TAFA2: variants seen among roughly 807,000 people sequenced by gnomAD.
The protein encoded by TAFA2 is TAFA chemokine like family member 2, also known as chemokine-like protein TAFA-2.
Under a neutral mutation model 18.8 loss-of-function variants are expected in TAFA2, and 7 were observed. The ratio of observed to expected loss-of-function variants is 0.37; its 90% CI spans 0.21 to 0.70. The LOEUF (loss-of-function observed/expected upper bound fraction) is 0.70. TAFA2 is among the 30% of genes least tolerant of loss of function. TAFA2 has a pLI of 0.53. For synonymous variants in TAFA2, 60 were observed against 54.2 expected, an observed-to-expected ratio of 1.11 and a Z score of -0.47; for missense variants, 122 against 158.1, an observed-to-expected ratio of 0.77 and a Z score of 1.23.
At chr12:61,852,395 G>C (rs1227547055) in intron 2 of TAFA2, among the ~76,000 whole-genome samples, 1 of 152,144 alleles carries the variant, frequency 6.6e-6, no homozygotes, top group Non-Finnish European at 1.5e-5. Context: ...GAGCGAGTGA[G>C]CTGTGGATAG....
intron 1 of TAFA2, among the ~76,000 whole-genome samples, chr12:61,898,720 G>T (rs1020404082): frequency 6.6e-6 from 1 of 152,198 alleles, no homozygotes; most frequent in African/African-American, 2.4e-5. Context: ...GGGAGGGCCT[G>T]CAGGGAAGGT....
chr12:62,225,826 T>C (rs2062783709), intron 1 of TAFA2, among the ~76,000 whole-genome samples: 1 of 152,210 alleles, frequency 6.6e-6, no homozygotes, highest in African/African-American at 2.4e-5. Flanking sequence ...TAACACATTC[T>C]TGGCAAAAGC....
chr12:62,022,167 T>C (rs1367396664), intron 1 of TAFA2: 1 of 406,364 alleles, frequency 2.5e-6, no homozygotes, highest in Non-Finnish European at 5.0e-6. Flanking sequence ...TCTGTCCTGG[T>C]TGGTGTAAAG....
chr12:62,115,253 T>C (rs1393635872), intron 1 of TAFA2, among the ~76,000 whole-genome samples: 3 of 152,152 alleles, frequency 2.0e-5, no homozygotes, highest in Middle Eastern at 3.2e-3. Flanking sequence ...ACCAAAATTG[T>C]GTATGTCTCC....
At chr12:61,871,284 A>G (rs1874591521) in intron 1 of TAFA2, among the ~76,000 whole-genome samples, 1 of 152,334 alleles carries the variant, frequency 6.6e-6, no homozygotes, top group South Asian at 2.1e-4. Context: ...AAAAACACCT[A>G]AAGGAAAAAA....
intron 1 of TAFA2, among the ~76,000 whole-genome samples, chr12:61,903,528 C>G (rs943605483): frequency 2.0e-5 from 3 of 152,120 alleles, no homozygotes; most frequent in African/African-American, 7.2e-5. Context: ...GTCGTCTTCA[C>G]CACTGTGTTC....
chr12:61,984,140 G>A (rs1232086736), intron 1 of TAFA2, among the ~76,000 whole-genome samples: 2 of 152,186 alleles, frequency 1.3e-5, no homozygotes, highest in Non-Finnish European at 2.9e-5. Context: ...CTAAAGTGTA[G>A]ACACACTAAA....
intron 2 of TAFA2, among the ~76,000 whole-genome samples, chr12:61,787,289 G>C (rs1870779773): frequency 6.6e-6 from 1 of 151,534 alleles, no homozygotes; most frequent in African/African-American, 2.4e-5. Flanking sequence ...CCACCAGACT[G>C]ATCTTACAAG....
At position 61,856,828 on chromosome 12, in the gene TAFA2, T is replaced by A. The variant is rs552309402; in HGVS notation, c.106+10492A>T. Among the ~76,000 whole-genome samples the A allele has an allele frequency of 1.6e-3, 239 of 151,910 alleles. 1 individual carries two copies. Among genetic ancestry groups the A allele is most frequent in the African/African-American group, 4.9e-3 (204 of 41,566 alleles). ...AAAAACAGTTATATATGTGAATGTT[T>A]ATTACAGCATTATTTTTACTAAAAA... On this transcript the variant is annotated intron_variant, in intron 2 of 4. Coordinates refer to ENST00000416284, the MANE Select transcript of TAFA2 (RefSeq NM_178539.5).
At chr12:61,968,603 T>C (rs146020022) in intron 1 of TAFA2, among the ~76,000 whole-genome samples, 231 of 151,916 alleles carry the variant, frequency 1.5e-3, no homozygotes, top group Non-Finnish European at 2.7e-3. Context: ...AGGGGTATTA[T>C]GATTAAGTAA....
intron 1 of TAFA2, among the ~76,000 whole-genome samples, chr12:61,993,212 T>C (rs191613880): frequency 5.9e-5 from 9 of 152,334 alleles, no homozygotes; most frequent in African/African-American, 1.9e-4. Context: ...AAATCTCAGA[T>C]GTCAACTACA....
intron 1 of TAFA2, among the ~76,000 whole-genome samples, chr12:62,010,337 TG>T (rs1166007138): frequency 6.6e-6 from 1 of 152,122 alleles, no homozygotes; most frequent in Non-Finnish European, 1.5e-5. Flanking sequence ...TTTGTATTTT[TG>T]GAGGAGACAG....
chr12:62,217,601 A>G (rs2062740857), intron 1 of TAFA2, among the ~76,000 whole-genome samples: 1 of 152,244 alleles, frequency 6.6e-6, no homozygotes, highest in Non-Finnish European at 1.5e-5. Flanking sequence ...TGACTGATCC[A>G]GATGTAAAGT....
At chr12:62,088,020 T>A (rs866818461) in intron 1 of TAFA2, among the ~76,000 whole-genome samples, 13 of 152,184 alleles carry the variant, frequency 8.5e-5, no homozygotes, top group Middle Eastern at 6.8e-3. Flanking sequence ...ATGGTTAGTA[T>A]CTCTTTTATT....
upstream of TAFA2, among the ~76,000 whole-genome samples, chr12:62,196,473 C>G (rs2062649627): frequency 6.6e-6 from 1 of 152,166 alleles, no homozygotes; most frequent in South Asian, 2.1e-4. Context: ...GAGACTCTTC[C>G]TTTCATTTGA....
chr12:61,757,584 G>C (rs1565623427), intron 2 of TAFA2, among the ~76,000 whole-genome samples: 3 of 151,996 alleles, frequency 2.0e-5, no homozygotes, highest in South Asian at 4.2e-4. Flanking sequence ...GCCATGGACT[G>C]AACAAGATTA....
At chr12:61,754,522 T>C (rs943022579) in intron 3 of TAFA2, among the ~76,000 whole-genome samples, 4 of 151,946 alleles carry the variant, frequency 2.6e-5, no homozygotes, top group Non-Finnish European at 5.9e-5. Flanking sequence ...TAAGAACCCA[T>C]AATATTAAAT....
intron 1 of TAFA2, chr12:61,879,293 A>G (rs1592455662): frequency 4.4e-6 from 2 of 450,530 alleles, no homozygotes; most frequent in South Asian, 3.7e-5. Context: ...GTTGGGGCCC[A>G]CCTGCTTCCA....
chr12:61,714,506 C>G (rs1204335169), intron 4 of TAFA2, among the ~76,000 whole-genome samples: 1 of 152,104 alleles, frequency 6.6e-6, no homozygotes, highest in African/African-American at 2.4e-5. Context: ...TATCACAGGC[C>G]AACAAAACAA....
Sources: gnomAD v4.1 joint callset for allele counts (sites outside exome capture counted in the v4.1 genomes callset) on GRCh38, gnomAD v4.1.1 for gene constraint, MANE v1.5 for transcripts, NCBI Gene and HGNC (gene_info 2026-07-23, HGNC 2026-07-21) for gene names.